Variants in BCAN observed in about 807,000 individuals in gnomAD.
BCAN encodes brevican core protein.
BCAN carries 51 observed loss-of-function variants against 92.4 expected under a neutral mutation model. The ratio of observed to expected loss-of-function variants is 0.55; its 90% CI spans 0.44 to 0.70. BCAN has a LOEUF of 0.70. BCAN is among the 30% of genes least tolerant of loss of function. The pLI is 0.00. For synonymous variants in BCAN, 501 were observed against 505.2 expected (o/e 0.99, Z 0.11); for missense variants, 1,140 against 1,212.1 (o/e 0.94, Z 0.88).
At chr1:156,655,772 G>A (rs1279424443) in intron 8 of BCAN, among the ~76,000 whole-genome samples, 2 of 152,098 alleles carry the variant, frequency 1.3e-5, no homozygotes, top group African/African-American at 4.8e-5. Flanking sequence ...CTGTTGCTGC[G>A]GTAATCCTTC....
intron 7 of BCAN, among the ~76,000 whole-genome samples, chr1:156,651,935 C>G (rs1159401208): frequency 1.3e-5 from 2 of 152,216 alleles, no homozygotes; most frequent in Non-Finnish European, 2.9e-5. Context: ...AAGGTGGAAC[C>G]TGCCTTCTTT....
In BCAN at chr1:156,648,728, T is replaced by C; in HGVS notation, c.930T>C (p.Ser310=). The change falls in exon 6 of 14, where the codon AGT becomes AGC. Residue 310 remains serine (S), a synonymous_variant. Transcript: ENST00000329117. ...GCCCAGGGTGGCTAGCTGATGGCAG[T>C]GTGCGCTACCCCATCGTCACACCCA... The part of the protein sequence containing the change: ...HCSPGWLADG[S]VRYPIVTPSQ... The C allele has an allele frequency of 1.9e-6, 3 of 1,613,684 alleles. No individual in the cohort carries two copies. The highest frequency in any genetic ancestry group is 1.3e-5 in the African/African-American group (1 of 75,040).
intron 2 of BCAN, 124 bp from the exon 3 acceptor site, chr1:156,646,677 G>GC: frequency 6.9e-7 from 1 of 1,439,616 alleles, no homozygotes; most frequent in Non-Finnish European, 9.1e-7. Context: ...CTGGCCCCTG[G>GC]TCCTAGGGGG....
rs569626167 is a variant in BCAN, at chr1:156,658,868, G to C, written c.2628+135G>C. ...TGCCCCTCTCTGAGGCAAAGGGGAAGAGGTGGGCTGGAGGCTCTGGGGTTC... is the reference window on the plus strand; with the variant it reads ...TGCCCCTCTCTGAGGCAAAGGGGAACAGGTGGGCTGGAGGCTCTGGGGTTC... On this transcript the variant is annotated intron_variant, in intron 13 of 13. Transcript: ENST00000329117. The surrounding 1 kb of genome is among the most constrained non-coding windows in gnomAD (Gnocchi z 4.4). 1 of 1,405,732 alleles carries C rather than the reference G, an allele frequency of 7.1e-7. No homozygotes were observed. The highest frequency in any genetic ancestry group is 2.1e-5 in the Admixed American group (1 of 47,858). The allele number at this position is 1,405,732 out of a possible 1,614,324, so 87.1% of individuals were successfully genotyped here.
chr1:156,653,512 C>T, intron 8 of BCAN: 4 of 986,882 alleles, frequency 4.1e-6, no homozygotes, highest in Non-Finnish European at 4.8e-6. Context: ...CTGTCCACCT[C>T]TCTCATTCCA....
Position 156,652,310 on chromosome 1 carries a change from G to A in BCAN, c.1360G>A (p.Glu454Lys). Reference protein sequence around the residue: ...GFSEEEGKALEEEEKYEDEEE... With the variant: ...GFSEEEGKALKEEEKYEDEEE... ...CTCAGAAGAGGAAGGTAAGGCATTG[G>A]AGGAAGAAGAGAAATATGAAGATGA... Residue 454 changes from glutamate to lysine, a missense_variant, in exon 8 of 14, where the codon GAG becomes AAG. By Grantham distance (56) the Glu-to-Lys change is moderately conservative (BLOSUM62 1). Around this residue, in one of 3 missense-constraint regions of BCAN, gnomAD observed 825 missense variants for 871.8 expected, o/e 0.95. Transcript: ENST00000329117. 6.2e-7 allele frequency: 1 copy of A among 1,613,612 alleles called. No homozygotes were observed. The highest frequency in any genetic ancestry group is 1.1e-5 in the South Asian group (1 of 90,944).
rs1465882758 is a variant in BCAN, at chr1:156,648,558, C to T, written c.770-10C>T. 2 of 1,572,498 alleles carry T rather than the reference C, an allele frequency of 1.3e-6. No homozygotes were observed. The highest frequency in any genetic ancestry group is 1.7e-6 in the Non-Finnish European group (2 of 1,150,026). ...CTGCCTGATAACCCAGCCTTCTCTT[C>T]TCCACCCAGGAGAACTGTTCCTGGG... On this transcript the variant is annotated splice_polypyrimidine_tract_variant and intron_variant, in intron 5 of 13. Transcript: ENST00000329117.
chr1:156,658,742 C>G lies in BCAN; in HGVS notation c.2628+9C>G. The G allele has an allele frequency of 3.7e-6, 6 of 1,613,748 alleles. No individual in the cohort carries two copies. Among genetic ancestry groups the G allele is most frequent in the Non-Finnish European group, 5.1e-6 (6 of 1,179,938 alleles). On this transcript the variant is annotated intron_variant, in intron 13 of 13. Coordinates refer to ENST00000329117, the MANE Select transcript of BCAN (RefSeq NM_021948.5). The surrounding 1 kb of genome is among the most constrained non-coding windows in gnomAD (Gnocchi z 4.4). Reference sequence around the variant, plus strand: ...GTGTGCCCAGAAGACCTGTGAGTGCCAGGAAGAGGCAGGTGGGAGTGGGAG... The same window carrying G: ...GTGTGCCCAGAAGACCTGTGAGTGCGAGGAAGAGGCAGGTGGGAGTGGGAG...
chr1:156,652,521 A>G lies in BCAN; in HGVS notation c.1571A>G (p.Asp524Gly). ...CAGCCTGGTGCATCACCACTTCCTG[A>G]TGGAGAGTCAGAAGCTTCCAGGCCT... ...VLQPGASPLP[D>G]GESEASRPPR... The change falls in exon 8 of 14, where the codon GAT becomes GGT. Residue 524 changes from aspartate (D) to glycine (G), a missense_variant. Around this residue, in one of 3 missense-constraint regions of BCAN, gnomAD observed 825 missense variants for 871.8 expected, o/e 0.95. Transcript: ENST00000329117. 1 of 1,612,452 alleles carries G rather than the reference A, an allele frequency of 6.2e-7. No homozygotes were observed. The highest frequency in any genetic ancestry group is 8.5e-7 in the Non-Finnish European group (1 of 1,179,238).
intron 1 of BCAN, 27 bp from the exon 2 acceptor site, chr1:156,646,020 T>A: frequency 6.3e-7 from 1 of 1,592,456 alleles, no homozygotes; most frequent in Non-Finnish European, 8.6e-7. Context: ...TCTAACCCCA[T>A]CTTTCCTTCT....
Position 156,652,641 on chromosome 1 carries a change from A to G in BCAN, c.1691A>G (p.Glu564Gly). Residue 564 changes from glutamate (E) to glycine (G), a missense_variant, in exon 8 of 14, where the codon GAG becomes GGG. Transcript: ENST00000329117. The part of the protein sequence containing the change: ...PSPSTLVEAR[E>G]VGEATGGPEL... ...CCTTCCACTCTGGTTGAGGCAAGAG[A>G]GGTGGGGGAGGCAACTGGTGGTCCT... is the stretch of plus-strand genomic sequence containing the variant. The G allele has an allele frequency of 6.2e-7, 1 of 1,613,810 alleles. No individual in the cohort carries two copies. The highest frequency in any genetic ancestry group is 8.5e-7 in the Non-Finnish European group (1 of 1,179,808).
intron 2 of BCAN, chr1:156,646,426 C>T (rs1678964231): frequency 6.0e-6 from 3 of 502,486 alleles, no homozygotes; most frequent in Admixed American, 6.7e-5. Context: ...CTGGGAGAAA[C>T]CCTGAAGGAG....
intron 8 of BCAN, among the ~76,000 whole-genome samples, chr1:156,655,113 T>G (rs1405110614): frequency 6.6e-6 from 1 of 152,216 alleles, no homozygotes; most frequent in Non-Finnish European, 1.5e-5. Context: ...CTCTCATGGC[T>G]GAGGGCCTTG....
At chr1:156,651,346 C>A (rs1406889806) in intron 6 of BCAN, 110 bp from the exon 7 acceptor site, 7 of 1,019,166 alleles carry the variant, frequency 6.9e-6, no homozygotes, top group Middle Eastern at 5.0e-4. Context: ...CCAGTAGGTG[C>A]TCCACAGGGA....
At chr1:156,648,187 A>G in intron 5 of BCAN, 77 bp downstream of exon 5, 1 of 1,558,546 alleles carries the variant, frequency 6.4e-7, no homozygotes. Flanking sequence ...GGGCCTCTGC[A>G]GGACCTTACT....
At chr1:156,645,799 A>G (rs553231727) in intron 1 of BCAN, among the ~76,000 whole-genome samples, 40 of 152,322 alleles carry the variant, frequency 2.6e-4, no homozygotes, top group Non-Finnish European at 4.6e-4. Flanking sequence ...TAAGAAAATA[A>G]AGGCTCAGAG....
At chr1:156,655,350 G>A (rs559126218) in intron 8 of BCAN, among the ~76,000 whole-genome samples, 1 of 152,348 alleles carries the variant, frequency 6.6e-6, no homozygotes, top group Non-Finnish European at 1.5e-5. Context: ...GACCTTCAGG[G>A]CAGTGTGTTA....
Position 156,658,290 on chromosome 1 carries a change from G to A in BCAN, c.2437+19G>A, listed in dbSNP as rs1679407596. 6.2e-7 allele frequency: 1 copy of A among 1,612,202 alleles called. No homozygotes were observed. The highest frequency in any genetic ancestry group is 8.5e-7 in the Non-Finnish European group (1 of 1,179,078). On this transcript the variant is annotated intron_variant, in intron 12 of 13. Coordinates refer to ENST00000329117, the MANE Select transcript of BCAN (RefSeq NM_021948.5). This position sits in a 1 kb window ranked among gnomAD's most constrained non-coding sequence, Gnocchi z 4.4. ...GGGCTGGGTGAGGGCAGGCAAAGGA[G>A]GGTCCCAGCAAGGAAGTGGAGGGGT...
chr1:156,657,449 A>T (rs943087961), intron 10 of BCAN: 9 of 546,970 alleles, frequency 1.6e-5, no homozygotes, highest in Non-Finnish European at 2.9e-5. Context: ...TCTTTTTCCA[A>T]AACTCCCCTT....
Sources: gnomAD v4.1 joint callset for allele counts (sites outside exome capture counted in the v4.1 genomes callset) on GRCh38, gnomAD v4.1.1 for gene constraint, gnomAD v4.1.1 regional missense constraint, Gnocchi (gnomAD v3.1) non-coding constraint, MANE v1.5 for transcripts, NCBI Gene and HGNC (gene_info 2026-07-23, HGNC 2026-07-21) for gene names.